Variants in SPMAP2L observed in about 807,000 individuals in gnomAD.
The protein encoded by SPMAP2L is sperm microtubule associated protein 2-like.
At chr4:56,595,453 A>G in the SPMAP2L span, 1 of 1,604,802 alleles carries the variant, frequency 6.2e-7, no homozygotes, top group Admixed American at 1.7e-5. Context: ...AGTTGCTGAC[A>G]TTGAGGAGGG....
chr4:56,554,051 G>T, the SPMAP2L span, among the ~76,000 whole-genome samples: 1 of 150,710 alleles, frequency 6.6e-6, no homozygotes, highest in South Asian at 2.1e-4. Context: ...TTCTATTGAT[G>T]TGGGTACTAT....
the SPMAP2L span, among the ~76,000 whole-genome samples, chr4:56,604,658 C>CA: frequency 3.6e-3 from 496 of 137,050 alleles, no homozygotes; most frequent in African/African-American, 8.1e-3. Flanking sequence ...GACTCCATCT[C>CA]AAAAAAAAAA....
chr4:56,593,968 C>G, the SPMAP2L span: 1 of 1,609,162 alleles, frequency 6.2e-7, no homozygotes, highest in Non-Finnish European at 8.5e-7. Flanking sequence ...TCTTTGATAC[C>G]TTGAAGATTC....
chr4:56,594,542 A>G, the SPMAP2L span: 2 of 1,608,688 alleles, frequency 1.2e-6, no homozygotes, highest in African/African-American at 1.3e-5. Context: ...ACTGGCCACT[A>G]TCCGAGCCTA....
the SPMAP2L span, among the ~76,000 whole-genome samples, chr4:56,587,468 CT>C: frequency 2.1e-5 from 3 of 145,922 alleles, no homozygotes; most frequent in South Asian, 2.4e-4. Context: ...CCTCACCCCC[CT>C]CCCACTCTTC....
chr4:56,624,766 G>A, the SPMAP2L span, among the ~76,000 whole-genome samples: 1 of 152,218 alleles, frequency 6.6e-6, no homozygotes, highest in African/African-American at 2.4e-5. Flanking sequence ...TTCAGAAGAT[G>A]TATGGAAATA....
the SPMAP2L span, among the ~76,000 whole-genome samples, chr4:56,562,240 A>G: frequency 2.6e-5 from 4 of 152,092 alleles, no homozygotes; most frequent in Admixed American, 2.6e-4. Flanking sequence ...AGGAGGAGAA[A>G]AAAGCTGAAT....
chr4:56,534,950 A>G, the SPMAP2L span, among the ~76,000 whole-genome samples: 1 of 152,140 alleles, frequency 6.6e-6, no homozygotes, highest in African/African-American at 2.4e-5. Flanking sequence ...ACAAACAACA[A>G]CAACAACAAA....
the SPMAP2L span, among the ~76,000 whole-genome samples, chr4:56,620,408 G>A: frequency 3.5e-5 from 5 of 144,670 alleles, no homozygotes; most frequent in African/African-American, 5.2e-5. Flanking sequence ...TTTTTGAGAC[G>A]GAATTTTGTT....
chr4:56,572,213 T>G, the SPMAP2L span, among the ~76,000 whole-genome samples: 1 of 152,232 alleles, frequency 6.6e-6, no homozygotes, highest in Non-Finnish European at 1.5e-5. Context: ...TATTATGTAC[T>G]GTACATAATT....
the SPMAP2L span, among the ~76,000 whole-genome samples, chr4:56,585,303 T>C: frequency 6.6e-6 from 1 of 152,198 alleles, no homozygotes; most frequent in East Asian, 1.9e-4. Context: ...TTTAGAGAAG[T>C]CATAGAAGCT....
the SPMAP2L span, among the ~76,000 whole-genome samples, chr4:56,561,126 T>C: frequency 6.6e-6 from 1 of 152,238 alleles, no homozygotes; most frequent in Non-Finnish European, 1.5e-5. Flanking sequence ...GGTGTATTTA[T>C]TTACTTGTAA....
the SPMAP2L span, among the ~76,000 whole-genome samples, chr4:56,615,050 G>C: frequency 6.6e-6 from 1 of 152,036 alleles, no homozygotes; most frequent in Non-Finnish European, 1.5e-5. Flanking sequence ...ATTTGAGAGG[G>C]GCATTGCACA....
chr4:56,604,491 C>G, the SPMAP2L span, among the ~76,000 whole-genome samples: 1 of 151,936 alleles, frequency 6.6e-6, no homozygotes, highest in Non-Finnish European at 1.5e-5. Flanking sequence ...AACCCCGTCT[C>G]TACTAAAAAT....
chr4:56,563,398 C>T, the SPMAP2L span, among the ~76,000 whole-genome samples: 1 of 151,870 alleles, frequency 6.6e-6, no homozygotes, highest in Non-Finnish European at 1.5e-5. Context: ...GCCACAGTGC[C>T]TGACCTGCTA....
chr4:56,557,407 A>C, the SPMAP2L span, among the ~76,000 whole-genome samples: 1 of 152,246 alleles, frequency 6.6e-6, no homozygotes, highest in South Asian at 2.1e-4. Context: ...GGAAACATTC[A>C]AAGAATTTGT....
At chr4:56,613,315 G>A in the SPMAP2L span, among the ~76,000 whole-genome samples, 21 of 152,150 alleles carry the variant, frequency 1.4e-4, no homozygotes, top group African/African-American at 4.6e-4. Flanking sequence ...TATTACCAAG[G>A]TGTGGTCTGC....
At chr4:56,562,478 T>G in the SPMAP2L span, among the ~76,000 whole-genome samples, 1 of 152,152 alleles carries the variant, frequency 6.6e-6, no homozygotes, top group African/African-American at 2.4e-5. Flanking sequence ...CAGTATATTA[T>G]CTTCATAAGC....
the SPMAP2L span, among the ~76,000 whole-genome samples, chr4:56,588,432 ATTT>A: frequency 7.0e-6 from 1 of 142,516 alleles, no homozygotes; most frequent in African/African-American, 2.6e-5. Context: ...ATCTTCCAGA[ATTT>A]TTTTTTTTTT....
Sources: gnomAD v4.1 joint callset for allele counts (sites outside exome capture counted in the v4.1 genomes callset) on GRCh38, gnomAD v4.1.1 for gene constraint, MANE v1.5 for transcripts, NCBI Gene and HGNC (gene_info 2026-07-23, HGNC 2026-07-21) for gene names.